ABLIM1: variants seen among roughly 807,000 people sequenced by gnomAD.
ABLIM1 encodes the protein actin-binding LIM protein 1.
A neutral mutation model predicts 107.0 loss-of-function variants in ABLIM1; 40 were observed. That is an observed-to-expected ratio of 0.37 (90% CI 0.29 to 0.49). The LOEUF (loss-of-function observed/expected upper bound fraction) is 0.49, where lower values mean the gene tolerates loss of function less well. Among genes scored for constraint, ABLIM1 ranks in the 20% least tolerant of loss-of-function variants. ABLIM1 has a pLI of 0.97. For missense variants in ABLIM1, 857 were observed against 1,008.5 expected, an observed-to-expected ratio of 0.85 and a Z score of 2.04; for synonymous variants, 357 against 357.3, an observed-to-expected ratio of 1.00 and a Z score of 0.01.
intron 4 of ABLIM1, among the ~76,000 whole-genome samples, chr10:114,559,376 G>A (rs1387194716): frequency 7.4e-6 from 1 of 134,648 alleles, no homozygotes; most frequent in African/African-American, 2.6e-5. Flanking sequence ...GCTGAGGTGG[G>A]AGGATTACTT....
intron 1 of ABLIM1, among the ~76,000 whole-genome samples, chr10:114,670,646 C>T (rs895854144): frequency 1.3e-5 from 2 of 152,204 alleles, no homozygotes; most frequent in African/African-American, 4.8e-5. Flanking sequence ...GCATGTGCCA[C>T]CACGCCCAGC....
intron 6 of ABLIM1, among the ~76,000 whole-genome samples, chr10:114,512,562 C>T (rs2062028058): frequency 6.7e-6 from 1 of 148,190 alleles, no homozygotes; most frequent in African/African-American, 2.4e-5. Flanking sequence ...TGGTGGCTCA[C>T]GCCTGTAATC....
chr10:114,668,112 T>G (rs1254518304), intron 1 of ABLIM1, among the ~76,000 whole-genome samples: 1 of 150,120 alleles, frequency 6.7e-6, no homozygotes, highest in Non-Finnish European at 1.5e-5. Flanking sequence ...GGGGCAGTGC[T>G]TGGGGGAGGG....
At chr10:114,704,683 C>T (rs1368846585) in intron 1 of ABLIM1, among the ~76,000 whole-genome samples, 2 of 151,944 alleles carry the variant, frequency 1.3e-5, no homozygotes, top group East Asian at 3.9e-4. Context: ...ATGTCTCTCC[C>T]TTCCTGGGAG....
At chr10:114,676,500 C>CA (rs59493638) in intron 1 of ABLIM1, among the ~76,000 whole-genome samples, 47,198 of 149,994 alleles carry the variant, frequency 0.31, 8,502 homozygotes, top group South Asian at 0.45. Flanking sequence ...CTCAAAAAAA[C>CA]AAAAAAAAAG....
intron 6 of ABLIM1, among the ~76,000 whole-genome samples, chr10:114,509,921 C>A (rs2061624471): frequency 6.6e-6 from 1 of 152,182 alleles, no homozygotes; most frequent in African/African-American, 2.4e-5. Context: ...GAAGAAAGAG[C>A]AAAGGGACGT....
intron 1 of ABLIM1, among the ~76,000 whole-genome samples, chr10:114,704,302 C>CTATATATATATATATA (rs369952218): frequency 7.0e-5 from 3 of 43,088 alleles, no homozygotes; most frequent in Non-Finnish European, 1.4e-4. Flanking sequence ...CTCTCTCTCT[C>CTATATATATATATATA]TATATATATA....
chr10:114,443,986 G>A, intron 17 of ABLIM1, 43 bp downstream of exon 17: 1 of 1,512,104 alleles, frequency 6.6e-7, no homozygotes, highest in Non-Finnish European at 9.1e-7. Flanking sequence ...ACAAGCAGGT[G>A]GCTGGCTCTC....
intron 6 of ABLIM1, among the ~76,000 whole-genome samples, chr10:114,531,136 A>C (rs2065405922): frequency 1.3e-5 from 2 of 152,246 alleles, no homozygotes; most frequent in Non-Finnish European, 2.9e-5. Context: ...AAATAATCCC[A>C]TATAACTACA....
intron 2 of ABLIM1, among the ~76,000 whole-genome samples, chr10:114,597,193 G>T (rs1011981081): frequency 1.1e-4 from 16 of 152,320 alleles, no homozygotes; most frequent in Admixed American, 5.2e-4. Flanking sequence ...GGTCACTTGG[G>T]CTAGGAGGAA....
rs138648122 is a variant in ABLIM1 at position 114,509,692 on chromosome 10, C to T, written c.895-17814G>A. On this transcript the variant is annotated intron_variant, in intron 6 of 22. Transcript: ENST00000533213. Reference sequence around the variant, plus strand: ...TGCAGTCTGGTCTCAATCTACCTGTCCAGTTTCATTGCCTACCTGGTATCC... The same window carrying T: ...TGCAGTCTGGTCTCAATCTACCTGTTCAGTTTCATTGCCTACCTGGTATCC... Among the ~76,000 whole-genome samples the T allele has an allele frequency of 1.6e-3, 237 of 152,332 alleles. 2 individuals are homozygous for T. Among genetic ancestry groups the T allele is most frequent in the African/African-American group, 5.3e-3 (222 of 41,560 alleles).
intron 1 of ABLIM1, among the ~76,000 whole-genome samples, chr10:114,698,231 T>G (rs2081235554): frequency 6.6e-6 from 1 of 151,752 alleles, no homozygotes; most frequent in Non-Finnish European, 1.5e-5. Context: ...GAGAACAAAC[T>G]GTATCCATGA....
chr10:114,627,737 G>A (rs1416315338), intron 1 of ABLIM1, among the ~76,000 whole-genome samples: 1 of 152,238 alleles, frequency 6.6e-6, no homozygotes, highest in Non-Finnish European at 1.5e-5. Context: ...TAGTCCTTCT[G>A]TAGCTTTATT....
chr10:114,688,393 A>T (rs1164332218), upstream of ABLIM1, among the ~76,000 whole-genome samples: 1 of 152,180 alleles, frequency 6.6e-6, no homozygotes, highest in Non-Finnish European at 1.5e-5. Flanking sequence ...GCACAGGAAA[A>T]AAGTAATGTT....
At chr10:114,660,086 G>A (rs1442113253), upstream of ABLIM1, among the ~76,000 whole-genome samples, 1 of 152,128 alleles carries the variant, frequency 6.6e-6, no homozygotes, top group African/African-American at 2.4e-5. Flanking sequence ...GTGGACTTGG[G>A]GAAAGTGGGA....
At chr10:114,752,676 T>C (rs1030881291) in intron 1 of ABLIM1, among the ~76,000 whole-genome samples, 9 of 152,210 alleles carry the variant, frequency 5.9e-5, no homozygotes, top group African/African-American at 2.2e-4. Flanking sequence ...CACTTGTAAG[T>C]GAGAACATGC....
chr10:114,790,707 T>A, the ABLIM1 span, among the ~76,000 whole-genome samples: 2 of 152,310 alleles, frequency 1.3e-5, no homozygotes, highest in Non-Finnish European at 2.9e-5. Context: ...CTAAGGGAAA[T>A]TCCTTTTTGT....
chr10:114,740,894 C>T (rs1357975425), intron 1 of ABLIM1, among the ~76,000 whole-genome samples: 1 of 151,454 alleles, frequency 6.6e-6, no homozygotes, highest in Non-Finnish European at 1.5e-5. Context: ...AAATACAAAA[C>T]TTAGCTGGGT....
At chr10:114,583,454 CACACACACACACACATATATATATATAT>C (rs1373393614) in intron 2 of ABLIM1, among the ~76,000 whole-genome samples, 16 of 16,082 alleles carry the variant, frequency 9.9e-4, no homozygotes, top group African/African-American at 2.6e-3. Context: ...CACACACACA[CACACACACACACACATATATATATATAT>C]ATATATATAT....
Sources: gnomAD v4.1 joint callset for allele counts (sites outside exome capture counted in the v4.1 genomes callset) on GRCh38, gnomAD v4.1.1 for gene constraint, MANE v1.5 for transcripts, NCBI Gene and HGNC (gene_info 2026-07-23, HGNC 2026-07-21) for gene names.